Variants in CTDSPL observed in about 807,000 individuals in gnomAD.
CTDSPL encodes CTD small phosphatase like.
A neutral mutation model predicts 30.5 loss-of-function variants in CTDSPL; 8 were observed. The ratio of observed to expected loss-of-function variants is 0.26; its 90% CI spans 0.15 to 0.47. CTDSPL has a LOEUF of 0.47. CTDSPL is among the 20% of genes least tolerant of loss of function. The pLI, the probability that CTDSPL is intolerant of heterozygous loss-of-function variation, is 0.99. For missense variants in CTDSPL, 248 were observed against 366.1 expected, an observed-to-expected ratio of 0.68 and a Z score of 2.63; for synonymous variants, 110 against 137.9, an observed-to-expected ratio of 0.80 and a Z score of 1.42.
At chr3:37,915,935 A>G (rs913486187) in intron 1 of CTDSPL, among the ~76,000 whole-genome samples, 1 of 152,216 alleles carries the variant, frequency 6.6e-6, no homozygotes, top group Non-Finnish European at 1.5e-5. Context: ...TGTCTCTGGC[A>G]GGCATCTGGG....
Position 37,939,822 on chromosome 3 carries a change from G to A in CTDSPL, c.80-7235G>A, listed in dbSNP as rs1363346548. Among the ~76,000 whole-genome samples, 3 of 150,452 alleles carry A rather than the reference G, an allele frequency of 2.0e-5. 1 individual carries two copies. Among genetic ancestry groups the A allele is most frequent in the Non-Finnish European group, 3.0e-5 (2 of 67,130 alleles). The stretch of plus-strand genomic sequence containing the variant: ...AAGAAGGCATTTCTGGGCTGGGCAC[G>A]GTGGTTCACGCCTATAATCCCCGCA... On this transcript the variant is annotated intron_variant, in intron 1 of 7. Transcript: ENST00000273179.
At chr3:37,953,497 G>C (rs1204701887) in intron 2 of CTDSPL, among the ~76,000 whole-genome samples, 1 of 152,192 alleles carries the variant, frequency 6.6e-6, no homozygotes, top group Non-Finnish European at 1.5e-5. Flanking sequence ...TTATTTGGTG[G>C]ACAGTGCTAA....
At position 37,980,832 on chromosome 3, in the gene CTDSPL, G is replaced by A. The variant is rs566199681; in HGVS notation, c.796G>A (p.Val266Met). The A allele has an allele frequency of 3.7e-6, 6 of 1,614,122 alleles. No individual in the cohort carries two copies. The highest frequency in any genetic ancestry group is 1.3e-5 in the African/African-American group (1 of 75,036). ...TGAGGGCCTGAGCCGGGAGGACGAC[G>A]TGTACAGCATGCTGCACAGACTCTG... ...FFEGLSREDD[V>M]YSMLHRLCNR The change falls in exon 8 of 8, where the codon GTG becomes ATG. Residue 266 changes from valine (V) to methionine (M), a missense_variant. Physicochemically the swap from Val to Met is conservative, Grantham distance 21. This residue lies in a region of CTDSPL where 84 missense variants were observed against 139.4 expected (regional missense o/e 0.60). Transcript: ENST00000273179.
intron 1 of CTDSPL, among the ~76,000 whole-genome samples, chr3:37,864,646 T>A (rs1449792120): frequency 6.6e-6 from 1 of 152,140 alleles, no homozygotes; most frequent in Non-Finnish European, 1.5e-5. Flanking sequence ...TTCTTCAGAT[T>A]TATAAACCAG....
In CTDSPL at chr3:37,982,239, C is replaced by T. The variant is rs1699500620; in HGVS notation, c.*1372C>T. On this transcript the variant is annotated 3_prime_UTR_variant, in exon 8 of 8. Coordinates refer to ENST00000273179, the MANE Select transcript of CTDSPL (RefSeq NM_001008392.2). Reference sequence around the variant, plus strand: ...TTTGAAGCACAGCCTATTTCTGAGCCAAGGGTTGGGGAAGCCTGTCTAGAT... The same window carrying T: ...TTTGAAGCACAGCCTATTTCTGAGCTAAGGGTTGGGGAAGCCTGTCTAGAT... 1 of 312,914 alleles carries T rather than the reference C, an allele frequency of 3.2e-6. No homozygotes were observed. Among genetic ancestry groups the T allele is most frequent in the African/African-American group, 2.2e-5 (1 of 46,126 alleles). 19.4% of individuals were successfully genotyped at this position (312,914 alleles called of 1,614,324 possible). A position where few individuals can be genotyped will look rare whatever the true frequency, so the allele number is the denominator to read the frequency against.
chr3:37,979,602 A>G (rs376219259), intron 7 of CTDSPL, among the ~76,000 whole-genome samples: 1,645 of 152,256 alleles, frequency 0.011, 35 homozygotes, highest in African/African-American at 0.036. Flanking sequence ...TCAAAAAAAG[A>G]AAAGAAAAAA....
chr3:37,885,964 A>G (rs1698258168), intron 1 of CTDSPL, among the ~76,000 whole-genome samples: 2 of 152,166 alleles, frequency 1.3e-5, no homozygotes, highest in Admixed American at 1.3e-4. Flanking sequence ...ACTACCCACA[A>G]TCTCAGGGTC....
chr3:37,958,907 G>C (rs115122639), intron 3 of CTDSPL, among the ~76,000 whole-genome samples: 1 of 152,146 alleles, frequency 6.6e-6, no homozygotes, highest in Non-Finnish European at 1.5e-5. Context: ...CAGTCCATCC[G>C]GGCCAGCTCA....
At chr3:37,918,873 G>A (rs1181564014) in intron 1 of CTDSPL, among the ~76,000 whole-genome samples, 1 of 152,138 alleles carries the variant, frequency 6.6e-6, no homozygotes, top group Non-Finnish European at 1.5e-5. Flanking sequence ...ACTCTAGGAG[G>A]GGAAACAGGC....
At chr3:37,897,807 G>T (rs1027501646) in intron 1 of CTDSPL, among the ~76,000 whole-genome samples, 1 of 152,110 alleles carries the variant, frequency 6.6e-6, no homozygotes, top group South Asian at 2.1e-4. Context: ...CAAACTTTTT[G>T]TGAGAAAAAC....
chr3:37,946,447 C>T (rs958511410), intron 1 of CTDSPL, among the ~76,000 whole-genome samples: 3 of 152,230 alleles, frequency 2.0e-5, no homozygotes, highest in African/African-American at 4.8e-5. Flanking sequence ...GTAAAGGAAG[C>T]CTTCAGCCCT....
At chr3:37,877,738 C>T (rs1698154682) in intron 1 of CTDSPL, among the ~76,000 whole-genome samples, 1 of 150,646 alleles carries the variant, frequency 6.6e-6, no homozygotes, top group Admixed American at 6.6e-5. Context: ...GGCATGGCAC[C>T]GACATCTGCT....
chr3:37,907,969 G>A lies in CTDSPL; in HGVS notation c.80-39088G>A, dbSNP rs191537030. 3.3e-5 allele frequency among the ~76,000 whole-genome samples: 5 copies of A among 152,328 alleles called. No homozygotes were observed. The East Asian group carries it at 7.7e-4, about 23-fold the overall frequency. ...GGTAAATGCGACCCTATGCTCCTGA[G>A]ATGCAAAACAAACAGAAAGTCTGCA... On this transcript the variant is annotated intron_variant, in intron 1 of 7. Coordinates refer to ENST00000273179, the MANE Select transcript of CTDSPL (RefSeq NM_001008392.2).
intron 1 of CTDSPL, among the ~76,000 whole-genome samples, chr3:37,888,032 G>A (rs991485455): frequency 2.0e-5 from 3 of 152,190 alleles, no homozygotes; most frequent in African/African-American, 7.2e-5. Context: ...GGGAGAGGGT[G>A]TTCTGAAAAG....
At chr3:37,964,718 A>G in intron 4 of CTDSPL, 46 bp downstream of exon 4, 1 of 1,426,694 alleles carries the variant, frequency 7.0e-7, no homozygotes, top group Non-Finnish European at 9.9e-7. Context: ...TGATTTGATA[A>G]CAATTGTATT....
chr3:37,866,332 A>G (rs914647461), intron 1 of CTDSPL, among the ~76,000 whole-genome samples: 3 of 152,210 alleles, frequency 2.0e-5, no homozygotes, highest in African/African-American at 7.2e-5. Flanking sequence ...AAAAAAAATC[A>G]CACATACACA....
At chr3:37,877,488 A>G (rs979849053) in intron 1 of CTDSPL, among the ~76,000 whole-genome samples, 1 of 152,214 alleles carries the variant, frequency 6.6e-6, no homozygotes, top group African/African-American at 2.4e-5. Flanking sequence ...ACCTTTGCCT[A>G]TCCATTCATT....
At chr3:37,866,087 TACA>T (rs1698006353) in intron 1 of CTDSPL, among the ~76,000 whole-genome samples, 1 of 152,216 alleles carries the variant, frequency 6.6e-6, no homozygotes, top group Non-Finnish European at 1.5e-5. Context: ...AAGAAACATG[TACA>T]AGGATTTTCA....
chr3:37,875,710 C>T (rs533012110), intron 1 of CTDSPL, among the ~76,000 whole-genome samples: 110 of 152,302 alleles, frequency 7.2e-4, no homozygotes, highest in African/African-American at 2.4e-3. Context: ...GACTTTAATT[C>T]CAAAGACTTC....
Sources: allele counts gnomAD v4.1 joint callset (sites outside exome capture counted in the v4.1 genomes callset), GRCh38; gene constraint gnomAD v4.1.1; regional missense constraint gnomAD v4.1.1; transcripts MANE v1.5; gene names NCBI Gene and HGNC (gene_info 2026-07-23, HGNC 2026-07-21).